NXN: variants seen among roughly 807,000 people sequenced by gnomAD.
NXN encodes nucleoredoxin 1.
NXN carries 16 observed loss-of-function variants against 48.6 expected under a neutral mutation model. That is an observed-to-expected ratio of 0.33 (90% confidence interval 0.22 to 0.50). The LOEUF is 0.50. Ranked by LOEUF, NXN falls within the 20% of genes least tolerant of loss-of-function variation. The pLI, the probability that NXN is intolerant of heterozygous loss-of-function variation, is 0.98. For synonymous variants in NXN, 281 were observed against 269.6 expected (o/e 1.04, Z -0.41); for missense variants, 492 against 605.5 (o/e 0.81, Z 1.97).
intron 1 of NXN, among the ~76,000 whole-genome samples, chr17:928,633 T>C (rs1806551): frequency 0.35 from 53,670 of 152,026 alleles, 10,135 homozygotes; most frequent in East Asian, 0.48. Context: ...GTCAGGAGTT[T>C]GAGACCAGCC....
intron 1 of NXN, among the ~76,000 whole-genome samples, chr17:880,763 C>T (rs1199423508): frequency 2.0e-5 from 3 of 152,098 alleles, no homozygotes; most frequent in African/African-American, 7.2e-5. Context: ...TGTCAAATTC[C>T]TTATCCATAT....
At chr17:968,818 T>A (rs2069337552) in intron 1 of NXN, among the ~76,000 whole-genome samples, 1 of 151,846 alleles carries the variant, frequency 6.6e-6, no homozygotes, top group Non-Finnish European at 1.5e-5. Context: ...GCACCTGTAA[T>A]CCCAGCTACT....
rs1567822040 is a variant in NXN, at chr17:830,729, G to A, written c.361-4651C>T. Among the ~76,000 whole-genome samples the A allele has an allele frequency of 1.3e-5, 2 of 152,184 alleles. No homozygotes were observed. The highest frequency in any genetic ancestry group is 2.9e-5 in the Non-Finnish European group (2 of 68,034). On this transcript the variant is annotated intron_variant, in intron 1 of 7. Coordinates refer to ENST00000336868, the MANE Select transcript of NXN (RefSeq NM_022463.5). This position sits in a 1 kb window ranked among gnomAD's most constrained non-coding sequence, Gnocchi z 4.2. ...TAAAAGGCCATTTGGGGCCGGGCACGATGGCTCACGCCTGTAATCCCAGCA... is the reference window on the plus strand; with the variant it reads ...TAAAAGGCCATTTGGGGCCGGGCACAATGGCTCACGCCTGTAATCCCAGCA...
chr17:918,348 G>A (rs2068710061), intron 1 of NXN, among the ~76,000 whole-genome samples: 1 of 152,130 alleles, frequency 6.6e-6, no homozygotes, highest in Non-Finnish European at 1.5e-5. Flanking sequence ...GAAATGGGAG[G>A]AGCGCACGAT....
Position 978,787 on chromosome 17 carries a change from GA to G in NXN, c.360+531del, listed in dbSNP as rs900979250. On this transcript the variant is annotated intron_variant, in intron 1 of 7. Transcript: ENST00000336868. The surrounding 1 kb of genome is among the most constrained non-coding windows in gnomAD (Gnocchi z 4.1). Reference sequence around the variant, plus strand: ...GCTCCGGGAAGGCAGGTTTCTCCCGGAAAGAAAGGAAACGCGCTGGTTTGGG... The same window carrying G: ...GCTCCGGGAAGGCAGGTTTCTCCCGGAAGAAAGGAAACGCGCTGGTTTGGG... 1.3e-5 allele frequency among the ~76,000 whole-genome samples: 2 copies of G among 152,138 alleles called. No individual in the cohort carries two copies. The highest frequency in any genetic ancestry group is 4.8e-5 in the African/African-American group (2 of 41,446).
chr17:901,500 C>T (rs150727176), intron 1 of NXN, among the ~76,000 whole-genome samples: 305 of 152,286 alleles, frequency 2.0e-3, no homozygotes, highest in African/African-American at 6.8e-3. Context: ...TCTGCTTCCT[C>T]GTTACTAAAA....
intron 1 of NXN, among the ~76,000 whole-genome samples, chr17:940,727 T>C (rs563476227): frequency 2.0e-5 from 3 of 149,914 alleles, no homozygotes; most frequent in Non-Finnish European, 4.4e-5. Context: ...CCTTCCTGGA[T>C]TTACAGTGAA....
At chr17:904,763 C>T (rs899030878) in intron 1 of NXN, among the ~76,000 whole-genome samples, 28 of 152,230 alleles carry the variant, frequency 1.8e-4, no homozygotes, top group African/African-American at 3.9e-4. Flanking sequence ...AGGCTGGTCT[C>T]GATCTCCTGA....
rs1000655744 is a variant in NXN, at chr17:978,912, T to C, written c.360+407A>G. Among the ~76,000 whole-genome samples, 4 of 150,966 alleles carry C rather than the reference T, an allele frequency of 2.6e-5. No individual in the cohort carries two copies. Among genetic ancestry groups the C allele is most frequent in the Non-Finnish European group, 4.4e-5 (3 of 67,614 alleles). ...GGAGGCAGGAAGGGCCTGGCGCCTC[T>C]GCTCGCGGGTGAAGGGGTCGCGGAA... On this transcript the variant is annotated intron_variant, in intron 1 of 7. Coordinates refer to ENST00000336868, the MANE Select transcript of NXN (RefSeq NM_022463.5). This position sits in a 1 kb window ranked among gnomAD's most constrained non-coding sequence, Gnocchi z 4.1.
intron 1 of NXN, among the ~76,000 whole-genome samples, chr17:955,512 C>T (rs2069156770): frequency 1.3e-5 from 2 of 151,508 alleles, no homozygotes; most frequent in African/African-American, 4.8e-5. Flanking sequence ...GTCTGACAGA[C>T]ACTGGTTGGA....
rs773969385 is a variant in NXN, at chr17:979,605, G to A, written c.74C>T (p.Ser25Leu). Residue 25 changes from serine to leucine, a missense_variant, in exon 1 of 8, where the codon TCG (serine) becomes TTG (leucine). Physicochemically the swap from Ser to Leu is moderately radical, Grantham distance 145 (BLOSUM62 -2). Coordinates refer to ENST00000336868, the MANE Select transcript of NXN (RefSeq NM_022463.5). ...CAGCGAGATGCCGCGGGCGCCCAGC[G>A]AGTGCACGTCCACCTCCTCGCCGCC... is the stretch of plus-strand genomic sequence containing the variant. Reference protein sequence around the residue: ...TGGGEEVDVHSLGARGISLLG... With the variant: ...TGGGEEVDVHLLGARGISLLG... 1.3e-5 allele frequency: 19 copies of A among 1,458,238 alleles called. No homozygotes were observed. The highest frequency in any genetic ancestry group is 9.1e-5 in the South Asian group (7 of 76,922). The allele number at this position is 1,458,238 out of a possible 1,614,324, so 90.3% of individuals were successfully genotyped here. A position where few individuals can be genotyped will look rare whatever the true frequency, so the allele number is the denominator to read the frequency against.
intron 1 of NXN, among the ~76,000 whole-genome samples, 154 bp downstream of exon 1, chr17:979,139 TGGGGGGCGGGGAGAGGACAGTGGGTC>T (rs1423569925): frequency 6.8e-5 from 2 of 29,308 alleles, no homozygotes; most frequent in Non-Finnish European, 6.1e-5. Context: ...GACGGCGGGG[TGGGGGGCGGGGAGAGGACAGTGGGTC>T]GGGGGGCGGG....
intron 1 of NXN, among the ~76,000 whole-genome samples, chr17:967,929 G>C (rs1012088699): frequency 2.6e-5 from 4 of 151,266 alleles, no homozygotes; most frequent in Non-Finnish European, 5.9e-5. Flanking sequence ...CTGAGATCGC[G>C]CCACTGTACT....
chr17:924,809 C>G (rs2068783740), intron 1 of NXN, among the ~76,000 whole-genome samples: 2 of 152,242 alleles, frequency 1.3e-5, no homozygotes, highest in Non-Finnish European at 1.5e-5. Flanking sequence ...ATTCAAAGAC[C>G]AAGCCTCATT....
intron 1 of NXN, among the ~76,000 whole-genome samples, chr17:960,492 C>T (rs1167872460): frequency 6.6e-6 from 1 of 151,844 alleles, no homozygotes; most frequent in Middle Eastern, 3.2e-3. Flanking sequence ...TACAGGTGTG[C>T]ACCAACATGC....
chr17:803,122 C>A lies in NXN; in HGVS notation c.1125+560G>T, dbSNP rs116909394. On this transcript the variant is annotated intron_variant, in intron 7 of 7. Coordinates refer to ENST00000336868, the MANE Select transcript of NXN (RefSeq NM_022463.5). ...TGCGGGAGGGCGCTCTGCTGAAAGC[C>A]CCACTTTCCCACCCTGTGAAGAGTC... Among the ~76,000 whole-genome samples, 860 of 152,304 alleles carry A rather than the reference C, an allele frequency of 5.6e-3. 5 individuals are homozygous for A. The highest frequency in any genetic ancestry group is 9.1e-3 in the Non-Finnish European group (620 of 68,024).
At chr17:938,785 C>T (rs140854111) in intron 1 of NXN, among the ~76,000 whole-genome samples, 3 of 152,120 alleles carry the variant, frequency 2.0e-5, no homozygotes, top group African/African-American at 4.8e-5. Flanking sequence ...ACAGGCTGGG[C>T]GCGGTGGCTC....
At chr17:970,401 G>A (rs1375653754) in intron 1 of NXN, among the ~76,000 whole-genome samples, 1 of 152,000 alleles carries the variant, frequency 6.6e-6, no homozygotes, top group African/African-American at 2.4e-5. Flanking sequence ...GGGGAGTTGG[G>A]GGGCCCTTCA....
intron 1 of NXN, among the ~76,000 whole-genome samples, chr17:853,646 A>C (rs2144755208): frequency 6.7e-6 from 1 of 150,260 alleles, no homozygotes; most frequent in South Asian, 2.1e-4. Flanking sequence ...TGCTGTATAC[A>C]TGTCCAAGCC....
Sources: gnomAD v4.1 joint callset for allele counts (sites outside exome capture counted in the v4.1 genomes callset) on GRCh38, gnomAD v4.1.1 for gene constraint, Gnocchi (gnomAD v3.1) non-coding constraint, MANE v1.5 for transcripts, NCBI Gene and HGNC (gene_info 2026-07-23, HGNC 2026-07-21) for gene names.